Variants in TBC1D32 observed in about 807,000 individuals in gnomAD.
TBC1D32 encodes the protein protein broad-minded.
In TBC1D32, 151 loss-of-function variants were observed where a neutral mutation model predicts 170.3. That is an observed-to-expected ratio of 0.89 (90% CI 0.78 to 1.01). TBC1D32 has a LOEUF of 1.01. Ranked by LOEUF, TBC1D32 falls within the 50% of genes least tolerant of loss-of-function variation. TBC1D32 has a pLI of 0.00. For synonymous variants in TBC1D32, 498 were observed against 488.0 expected (o/e 1.02, Z -0.27); for missense variants, 1,464 against 1,457.1 (o/e 1.00, Z -0.08).
chr6:121,127,122 T>C (rs1780941108), intron 25 of TBC1D32, among the ~76,000 whole-genome samples: 1 of 152,186 alleles, frequency 6.6e-6, no homozygotes, highest in Non-Finnish European at 1.5e-5. Flanking sequence ...AATAAATTTG[T>C]AGAGTCAATG....
chr6:121,169,587 T>C (rs116297660), intron 22 of TBC1D32, among the ~76,000 whole-genome samples: 1,879 of 152,252 alleles, frequency 0.012, 36 homozygotes, highest in African/African-American at 0.043. Context: ...CTACAGTGAC[T>C]TCAACAATCA....
Position 121,198,983 on chromosome 6 carries a change from C to T in TBC1D32, c.2570+6092G>A, listed in dbSNP as rs147038662. Among the ~76,000 whole-genome samples the T allele has an allele frequency of 2.3e-4, 35 of 151,244 alleles. No homozygotes were observed. The East Asian group carries it at 5.6e-3, about 24-fold the overall frequency. On this transcript the variant is annotated intron_variant, in intron 22 of 31. Transcript: ENST00000398212. ...AAGAAAGTATGGCACTTAGCAAAGA[C>T]GCAATAAATATTTTCTGAATGAATG...
At chr6:121,323,074 C>A (rs1213486483) in intron 1 of TBC1D32, among the ~76,000 whole-genome samples, 1 of 152,162 alleles carries the variant, frequency 6.6e-6, no homozygotes, top group Non-Finnish European at 1.5e-5. Flanking sequence ...GCACTAACAG[C>A]ATTATTTTTC....
Position 121,317,582 on chromosome 6 carries a change from A to G in TBC1D32, c.408T>C (p.Asn136=), listed in dbSNP as rs1053274922. Reference sequence around the variant, plus strand: ...TTTGGATTTTTTTCTGCCTTTCTTGATTTCGTGTCTCATCTTCTTCAAACT... The same window carrying G: ...TTTGGATTTTTTTCTGCCTTTCTTGGTTTCGTGTCTCATCTTCTTCAAACT... ...INKFEEDETR[N]QERQKKIQKE... Residue 136 remains asparagine (N), a synonymous_variant, in exon 3 of 32, where the codon AAT becomes AAC. Transcript: ENST00000398212. 2 of 1,612,664 alleles carry G rather than the reference A, an allele frequency of 1.2e-6. No individual in the cohort carries two copies. Among genetic ancestry groups the G allele is most frequent in the African/African-American group, 2.7e-5 (2 of 74,806 alleles).
chr6:121,093,670 T>A (rs909500486), intron 30 of TBC1D32, among the ~76,000 whole-genome samples: 2 of 152,170 alleles, frequency 1.3e-5, no homozygotes, highest in African/African-American at 4.8e-5. Context: ...CAGTTCATTA[T>A]TATACATAGT....
intron 26 of TBC1D32, among the ~76,000 whole-genome samples, chr6:121,125,065 C>T (rs1260626728): frequency 6.6e-6 from 1 of 152,152 alleles, no homozygotes; most frequent in African/African-American, 2.4e-5. Context: ...GTCGTATTTC[C>T]ATGAATGTTC....
intron 17 of TBC1D32, among the ~76,000 whole-genome samples, chr6:121,246,361 G>A (rs866094614): frequency 1.4e-4 from 21 of 152,046 alleles, no homozygotes; most frequent in East Asian, 5.8e-4. Flanking sequence ...ATTAAAGTCA[G>A]ATCCTTAAGA....
intron 22 of TBC1D32, among the ~76,000 whole-genome samples, chr6:121,176,328 A>G (rs1173007431): frequency 2.6e-5 from 4 of 152,172 alleles, no homozygotes; most frequent in African/African-American, 9.6e-5. Flanking sequence ...AAATAGCTTC[A>G]GTCAAATACC....
chr6:121,277,371 C>T (rs564459052), intron 15 of TBC1D32, among the ~76,000 whole-genome samples: 4 of 151,110 alleles, frequency 2.6e-5, no homozygotes, highest in Admixed American at 6.6e-5. Context: ...ACCTGTAGTC[C>T]CAGCTACTTG....
At chr6:121,222,168 A>C (rs1173646665) in intron 21 of TBC1D32, among the ~76,000 whole-genome samples, 5 of 121,402 alleles carry the variant, frequency 4.1e-5, no homozygotes, top group African/African-American at 1.5e-4. Flanking sequence ...TTGGCAACAA[A>C]GTATTTTTAA....
chr6:121,123,411 G>A (rs1051484432), intron 26 of TBC1D32, among the ~76,000 whole-genome samples: 5 of 152,014 alleles, frequency 3.3e-5, no homozygotes, highest in African/African-American at 1.2e-4. Context: ...GAATCTGGGT[G>A]CTCCAGTGTT....
intron 2 of TBC1D32, among the ~76,000 whole-genome samples, chr6:121,320,042 GT>G (rs1410951170): frequency 5.3e-5 from 8 of 151,906 alleles, no homozygotes; most frequent in Non-Finnish European, 8.8e-5. Flanking sequence ...GAGGAATAGT[GT>G]ATATTATATA....
chr6:121,287,361 T>C (rs1804037512), intron 12 of TBC1D32, among the ~76,000 whole-genome samples: 1 of 152,152 alleles, frequency 6.6e-6, no homozygotes, highest in Admixed American at 6.6e-5. Context: ...TCCTAGTCTC[T>C]AATAAAACAG....
chr6:121,160,639 G>C (rs1243819988), intron 23 of TBC1D32, among the ~76,000 whole-genome samples: 1 of 152,064 alleles, frequency 6.6e-6, no homozygotes, highest in Non-Finnish European at 1.5e-5. Context: ...TAAGTATCAT[G>C]AATGAGAAAG....
At chr6:121,192,085 C>CATATATATATATA (rs1221051008) in intron 22 of TBC1D32, among the ~76,000 whole-genome samples, 2 of 66,336 alleles carry the variant, frequency 3.0e-5, no homozygotes, top group East Asian at 4.7e-4. Flanking sequence ...TATATATATC[C>CATATATATATATA]TATTAGTTCT....
intron 22 of TBC1D32, among the ~76,000 whole-genome samples, chr6:121,202,368 A>G (rs1349589814): frequency 6.6e-6 from 1 of 150,786 alleles, no homozygotes. Context: ...CACACAGGAA[A>G]AAAAAAAAAA....
intron 15 of TBC1D32, among the ~76,000 whole-genome samples, chr6:121,270,717 T>C (rs897094827): frequency 6.6e-6 from 1 of 152,116 alleles, no homozygotes; most frequent in Non-Finnish European, 1.5e-5. Context: ...TCTGAAACTA[T>C]TCCAATCAAT....
intron 20 of TBC1D32, among the ~76,000 whole-genome samples, chr6:121,231,897 T>G (rs946927203): frequency 2.6e-5 from 4 of 152,226 alleles, no homozygotes; most frequent in Admixed American, 2.6e-4. Flanking sequence ...TTATTTCTTT[T>G]GCTGGGCAGA....
chr6:121,138,109 G>T (rs1300041754), intron 24 of TBC1D32, among the ~76,000 whole-genome samples: 1 of 151,932 alleles, frequency 6.6e-6, no homozygotes, highest in African/African-American at 2.4e-5. Context: ...ACATTGGAGT[G>T]GTCCCTGAGA....
Sources: gnomAD v4.1 joint callset for allele counts (sites outside exome capture counted in the v4.1 genomes callset) on GRCh38, gnomAD v4.1.1 for gene constraint, MANE v1.5 for transcripts, NCBI Gene and HGNC (gene_info 2026-07-23, HGNC 2026-07-21) for gene names.